The following BOK variants were observed in gnomAD, a reference collection of about 807,000 sequenced individuals.
BOK encodes BCL2 family apoptosis regulator BOK.
In BOK, 20 loss-of-function variants were observed where a neutral mutation model predicts 18.3. The ratio of observed to expected loss-of-function variants is 1.09; its 90% confidence interval spans 0.77 to 1.59. BOK has a LOEUF of 1.59. BOK is among the 40% of genes most tolerant of loss of function. The probability of loss-of-function intolerance (pLI) is 0.00; values close to 1 mark genes in which losing one functional copy is unlikely to be tolerated. For synonymous variants in BOK, 173 were observed against 142.4 expected (o/e 1.21, Z -1.53); for missense variants, 348 against 307.9 (o/e 1.13, Z -0.97).
At chr2:241,566,027 G>A (rs562663362) in intron 3 of BOK, among the ~76,000 whole-genome samples, 18 of 152,106 alleles carry the variant, frequency 1.2e-4, no homozygotes, top group Non-Finnish European at 2.5e-4. Context: ...ACTCACGCCT[G>A]TAATCCCAGC....
intron 4 of BOK, among the ~76,000 whole-genome samples, 155 bp from the exon 5 acceptor site, chr2:241,572,142 C>T (rs2066733965): frequency 6.6e-6 from 1 of 152,268 alleles, no homozygotes; most frequent in Non-Finnish European, 1.5e-5. Context: ...TTGGAGCCTT[C>T]AGTCCAGGCC....
At chr2:241,569,863 G>A (rs962786592) in intron 3 of BOK, among the ~76,000 whole-genome samples, 1 of 152,196 alleles carries the variant, frequency 6.6e-6, no homozygotes, top group Non-Finnish European at 1.5e-5. Flanking sequence ...GCTGCCCTCA[G>A]TTCCCTCGCC....
intron 3 of BOK, among the ~76,000 whole-genome samples, 158 bp from the exon 4 acceptor site, chr2:241,569,967 G>C (rs1212599733): frequency 6.6e-6 from 1 of 152,214 alleles, no homozygotes; most frequent in Non-Finnish European, 1.5e-5. Flanking sequence ...AGAACTACCT[G>C]ACAGGCATCC....
intron 3 of BOK, among the ~76,000 whole-genome samples, chr2:241,565,287 C>T (rs563944392): frequency 1.3e-5 from 2 of 151,972 alleles, no homozygotes; most frequent in East Asian, 1.9e-4. Context: ...CGGCCCTGCC[C>T]GAGGGGAGCC....
upstream of BOK, among the ~76,000 whole-genome samples, chr2:241,556,537 T>G (rs559134801): frequency 3.7e-5 from 5 of 134,190 alleles, no homozygotes; most frequent in South Asian, 9.3e-4. Flanking sequence ...GAGCCGAGTT[T>G]ACGCCATTGC....
At chr2:241,558,053 AG>A (rs1376932839), upstream of BOK, among the ~76,000 whole-genome samples, 6 of 35,294 alleles carry the variant, frequency 1.7e-4, no homozygotes, top group African/African-American at 9.0e-4. Context: ...TAGAGTTCCG[AG>A]ACACACACAC....
At chr2:241,564,047 A>G (rs1198548075) in intron 3 of BOK, among the ~76,000 whole-genome samples, 1 of 152,202 alleles carries the variant, frequency 6.6e-6, no homozygotes, top group African/African-American at 2.4e-5. Flanking sequence ...GGCTGCGAGC[A>G]TTTTCTGACA....
chr2:241,565,109 C>T (rs1000510541), intron 3 of BOK, among the ~76,000 whole-genome samples: 3 of 152,112 alleles, frequency 2.0e-5, no homozygotes, highest in Non-Finnish European at 4.4e-5. Context: ...CCAGGTGGCC[C>T]GGGCTATGTG....
chr2:241,558,546 G>A (rs935762577), upstream of BOK, among the ~76,000 whole-genome samples: 1 of 152,244 alleles, frequency 6.6e-6, no homozygotes, highest in African/African-American at 2.4e-5. Context: ...AATGGACCCC[G>A]GGGAACACCC....
In BOK at chr2:241,572,229, G is replaced by T. The variant is rs2066735650; in HGVS notation, c.514-68G>T. 37 of 1,585,824 alleles carry T rather than the reference G, an allele frequency of 2.3e-5. 1 individual carries two copies. The South Asian group carries it at 4.0e-4, about 17-fold the overall frequency. On this transcript the variant is annotated intron_variant, in intron 4 of 4. Transcript: ENST00000318407. ...GATATTCTGGTGCACGGTGCTGGGG[G>T]GCCTGGCGGTGCTGGGGGCCTGGCG...
Position 241,559,571 on chromosome 2 carries a change from C to CA in BOK, c.89dup (p.Ala31GlyfsTer35), listed in dbSNP as rs778333221. On this transcript the variant is annotated frameshift_variant, in exon 2 of 5. Transcript: ENST00000318407. LOFTEE classifies it high-confidence loss of function. The stretch of plus-strand genomic sequence containing the variant: ...GCCCACAGACAAGGAGCTGGTGGCC[C>CA]AGGCCAAGGCGCTGGGCCGGGAGTA... 3.3e-6 allele frequency: 5 copies of CA among 1,525,462 alleles called. No individual in the cohort carries two copies. The highest frequency in any genetic ancestry group is 3.5e-6 in the Non-Finnish European group (4 of 1,145,740). 94.5% of individuals were successfully genotyped at this position (1,525,462 alleles called of 1,614,324 possible).
chr2:241,561,136 AGAGC>A (rs2066520937), intron 2 of BOK, among the ~76,000 whole-genome samples: 2 of 151,460 alleles, frequency 1.3e-5, no homozygotes, highest in East Asian at 1.9e-4. Flanking sequence ...AATGAGATAC[AGAGC>A]AGCCTTTATC....
intron 3 of BOK, among the ~76,000 whole-genome samples, chr2:241,563,156 C>T (rs752841895): frequency 1.8e-4 from 28 of 152,190 alleles, no homozygotes; most frequent in Non-Finnish European, 7.3e-5. Context: ...CCCTGCCTCC[C>T]TGCTCCTGCT....
At position 241,559,539 on chromosome 2, in the gene BOK, A is replaced by G. The variant is rs1574994184; in HGVS notation, c.56A>G (p.Asp19Gly). ...VFAAEIMDAF[D>G]RSPTDKELVA... The stretch of plus-strand genomic sequence containing the variant: ...GCCGCCGAGATCATGGACGCCTTTG[A>G]CCGCTCGCCCACAGACAAGGAGCTG... The change falls in exon 2 of 5, where the codon GAC becomes GGC. Residue 19 changes from aspartate (D) to glycine (G), a missense_variant. Coordinates refer to ENST00000318407, the MANE Select transcript of BOK (RefSeq NM_032515.5). 4.6e-6 allele frequency: 7 copies of G among 1,524,712 alleles called. No homozygotes were observed. In the East Asian group the frequency reaches 1.9e-4, roughly 41 times the overall value. 94.4% of individuals were successfully genotyped at this position (1,524,712 alleles called of 1,614,324 possible).
rs2066751502 is a variant in BOK, at chr2:241,573,174, CAGG to C, written c.*753_*755del. On this transcript the variant is annotated 3_prime_UTR_variant, in exon 5 of 5. Coordinates refer to ENST00000318407, the MANE Select transcript of BOK (RefSeq NM_032515.5). Reference sequence around the variant, plus strand: ...GGAACACTTGCTCTCACCTGAGCCCCAGGTGAAGGGGCCCGGAACACCTGCTCT... The same window carrying C: ...GGAACACTTGCTCTCACCTGAGCCCCTGAAGGGGCCCGGAACACCTGCTCT... The C allele has an allele frequency of 7.4e-6, 1 of 134,498 alleles. No individual in the cohort carries two copies. The highest frequency in any genetic ancestry group is 1.6e-5 in the Non-Finnish European group (1 of 62,686). 8.3% of individuals were successfully genotyped at this position (134,498 alleles called of 1,614,324 possible).
chr2:241,553,577 G>C (rs1433593802), intron 1 of BOK, among the ~76,000 whole-genome samples: 1 of 152,212 alleles, frequency 6.6e-6, no homozygotes, highest in Non-Finnish European at 1.5e-5. Flanking sequence ...GGAAAGAGAC[G>C]TGTCTTACGA....
chr2:241,569,894 G>A (rs569448253), intron 3 of BOK, among the ~76,000 whole-genome samples: 53 of 152,300 alleles, frequency 3.5e-4, no homozygotes, highest in African/African-American at 9.4e-4. Context: ...TTGTCCCTGC[G>A]GCCTCCTGCA....
chr2:241,555,571 C>T (rs964492666), upstream of BOK, among the ~76,000 whole-genome samples: 1 of 151,844 alleles, frequency 6.6e-6, no homozygotes, highest in Admixed American at 6.6e-5. Flanking sequence ...GAAACGGAGT[C>T]TCACCTTGTT....
chr2:241,560,842 G>C (rs898148003), intron 2 of BOK, among the ~76,000 whole-genome samples: 1 of 152,154 alleles, frequency 6.6e-6, no homozygotes, highest in Admixed American at 6.5e-5. Context: ...CTGGGAAGAA[G>C]TCCCAGATGT....
Sources: allele counts gnomAD v4.1 joint callset (sites outside exome capture counted in the v4.1 genomes callset), GRCh38; gene constraint gnomAD v4.1.1; transcripts MANE v1.5; gene names NCBI Gene and HGNC (gene_info 2026-07-23, HGNC 2026-07-21).